WDR91: variants seen among roughly 807,000 people sequenced by gnomAD.
WDR91 encodes the protein WD repeat domain 91.
Under a neutral mutation model 88.4 loss-of-function variants are expected in WDR91, and 52 were observed. That is an observed-to-expected ratio of 0.59 (90% CI 0.47 to 0.74). The LOEUF is 0.74. Ranked by LOEUF, WDR91 falls within the 30% of genes least tolerant of loss-of-function variation. WDR91 has a pLI of 0.00. For synonymous variants in WDR91, 362 were observed against 389.5 expected, an observed-to-expected ratio of 0.93 and a Z score of 0.83; for missense variants, 824 against 954.5, an observed-to-expected ratio of 0.86 and a Z score of 1.80.
chr7:135,189,176 G>A (rs780606984), intron 12 of WDR91, among the ~76,000 whole-genome samples, 168 bp downstream of exon 12: 7 of 152,162 alleles, frequency 4.6e-5, no homozygotes, highest in South Asian at 2.1e-4. Context: ...AGTTTATTAC[G>A]GTGGGTGTTT....
chr7:135,196,338 C>G lies in WDR91; in HGVS notation c.1051-1G>C. On this transcript the variant is annotated splice_acceptor_variant, in intron 7 of 14. Coordinates refer to ENST00000354475, the MANE Select transcript of WDR91 (RefSeq NM_014149.4). LOFTEE classifies it high-confidence loss of function. This position sits in a 1 kb window ranked among gnomAD's most constrained non-coding sequence, Gnocchi z 4.2. ...TGGCTTCTGGTTTCTTCTCTGCACA[C>G]TGTCACAAGCAGGGTGGGGACAAGT... 6.5e-7 allele frequency: 1 copy of G among 1,534,198 alleles called. No individual in the cohort carries two copies. The highest frequency in any genetic ancestry group is 8.8e-7 in the Non-Finnish European group (1 of 1,139,350).
intron 6 of WDR91, among the ~76,000 whole-genome samples, chr7:135,201,108 TG>T (rs889693530): frequency 7.2e-5 from 11 of 152,212 alleles, no homozygotes; most frequent in African/African-American, 2.7e-4. Flanking sequence ...CAGAAGTTTG[TG>T]GATGCTTTGG....
At chr7:135,194,865 C>G in intron 9 of WDR91, 69 bp downstream of exon 9, 1 of 1,581,958 alleles carries the variant, frequency 6.3e-7, no homozygotes, top group Non-Finnish European at 8.6e-7. Context: ...TTGACTCAGC[C>G]GGTGGAGAAC....
At chr7:135,198,238 G>A in intron 6 of WDR91, 87 bp from the exon 7 acceptor site, 1 of 1,476,380 alleles carries the variant, frequency 6.8e-7, no homozygotes, top group Non-Finnish European at 9.0e-7. Context: ...CCTGGGCGGG[G>A]GGGCGTGGTG....
Position 135,194,410 on chromosome 7 carries a change from T to G in WDR91, c.1395+524A>C, listed in dbSNP as rs1432088074. ...GGTTTGCATCTTGGGCTATGTGGTA[T>G]GATCCCCACAAATGAAGTAAAAGAA... On this transcript the variant is annotated intron_variant, in intron 9 of 14. Coordinates refer to ENST00000354475, the MANE Select transcript of WDR91 (RefSeq NM_014149.4). Among the ~76,000 whole-genome samples, 7 of 152,322 alleles carry G rather than the reference T, an allele frequency of 4.6e-5. 2 individuals are homozygous for G. The highest frequency in any genetic ancestry group is 1.7e-4 in the African/African-American group (7 of 41,574).
At chr7:135,192,635 C>G (rs1390623597) in intron 11 of WDR91, among the ~76,000 whole-genome samples, 1 of 152,198 alleles carries the variant, frequency 6.6e-6, no homozygotes, top group Non-Finnish European at 1.5e-5. Flanking sequence ...AAAGCAGGAG[C>G]CTTGAGCTTC....
chr7:135,194,894 T>C, intron 9 of WDR91, 40 bp downstream of exon 9: 1 of 1,609,638 alleles, frequency 6.2e-7, no homozygotes, highest in Non-Finnish European at 8.5e-7. Context: ...ATTCCTCCAC[T>C]GAGCCAGCAA....
intron 13 of WDR91, 43 bp from the exon 14 acceptor site, chr7:135,187,212 G>A: frequency 6.2e-7 from 1 of 1,600,802 alleles, no homozygotes; most frequent in Non-Finnish European, 8.5e-7. Flanking sequence ...AGCGGAGCTG[G>A]CCAATGCAGG....
At chr7:135,193,152 G>A in intron 11 of WDR91, 79 bp downstream of exon 11, 4 of 1,536,894 alleles carry the variant, frequency 2.6e-6, no homozygotes, top group Non-Finnish European at 3.5e-6. Flanking sequence ...AGCAAAAAGA[G>A]GGAAGAGGCT....
At chr7:135,187,919 A>C (rs1831013119) in intron 13 of WDR91, among the ~76,000 whole-genome samples, 1 of 152,202 alleles carries the variant, frequency 6.6e-6, no homozygotes, top group South Asian at 2.1e-4. Context: ...TGGAAAGGGC[A>C]TCCTTCTCCC....
At position 135,196,104 on chromosome 7, in the gene WDR91, T is replaced by G; in HGVS notation, c.1244+40A>C. On this transcript the variant is annotated intron_variant, in intron 8 of 14. Transcript: ENST00000354475. The surrounding 1 kb of genome is among the most constrained non-coding windows in gnomAD (Gnocchi z 4.2). Reference sequence around the variant, plus strand: ...CCTCCACGTGTACTGCCTGAAAATCTGAGCTTCCCAGGGTTTCCTTGGCCC... The same window carrying G: ...CCTCCACGTGTACTGCCTGAAAATCGGAGCTTCCCAGGGTTTCCTTGGCCC... 3.8e-5 allele frequency: 55 copies of G among 1,463,204 alleles called. No homozygotes were observed. The highest frequency in any genetic ancestry group is 4.5e-5 in the Non-Finnish European group (50 of 1,101,484). The allele number at this position is 1,463,204 out of a possible 1,614,324, so 90.6% of individuals were successfully genotyped here. A position where few individuals can be genotyped will look rare whatever the true frequency, so the allele number is the denominator to read the frequency against.
At position 135,198,134 on chromosome 7, in the gene WDR91, G is replaced by T; in HGVS notation, c.909C>A (p.Asp303Glu). The change falls in exon 7 of 15, where the codon GAC (aspartate) becomes GAA (glutamate). Residue 303 changes from aspartate (D) to glutamate (E), a missense_variant. Transcript: ENST00000354475. ...SFGGQGTKGK[D>E]PTSGAKDGKS... is the part of the protein sequence containing the mutation. The stretch of plus-strand genomic sequence containing the variant: ...TCCCATCCTTGGCTCCGGACGTCGG[G>T]TCCTTTCCCTTGGTGCCCTAGAGGA... The T allele has an allele frequency of 6.2e-7, 1 of 1,613,136 alleles. No individual in the cohort carries two copies. The highest frequency in any genetic ancestry group is 1.1e-5 in the South Asian group (1 of 91,064).
rs292549 is a variant in WDR91, at chr7:135,184,296, G to A, written c.*1855C>T. The A allele has an allele frequency of 0.69, 105,368 of 152,000 alleles. 37,282 individuals carry two copies. Among genetic ancestry groups the A allele is most frequent in the Admixed American group, 0.81 (12,414 of 15,292 alleles). 9.4% of individuals were successfully genotyped at this position (152,000 alleles called of 1,614,324 possible). A position where few individuals can be genotyped will look rare whatever the true frequency, so the allele number is the denominator to read the frequency against. On this transcript the variant is annotated 3_prime_UTR_variant, in exon 15 of 15. Coordinates refer to ENST00000354475, the MANE Select transcript of WDR91 (RefSeq NM_014149.4). The stretch of plus-strand genomic sequence containing the variant: ...CTCCCAGAACAAAGCCAAGACTTTG[G>A]TACCAATTTCTTCGTGCTTTTCCTC...
At chr7:135,194,335 C>G (rs1207049951) in intron 9 of WDR91, among the ~76,000 whole-genome samples, 1 of 152,182 alleles carries the variant, frequency 6.6e-6, no homozygotes, top group Non-Finnish European at 1.5e-5. Flanking sequence ...CCCTGAGGTC[C>G]TCATCCATGA....
At chr7:135,186,897 C>A in intron 14 of WDR91, 75 bp downstream of exon 14, 1 of 1,564,188 alleles carries the variant, frequency 6.4e-7, no homozygotes, top group Non-Finnish European at 8.8e-7. Context: ...CGCTCAGTAG[C>A]CATGGCCCAG....
At chr7:135,210,629 C>T (rs1045925164) in intron 1 of WDR91, among the ~76,000 whole-genome samples, 2 of 152,206 alleles carry the variant, frequency 1.3e-5, no homozygotes, top group African/African-American at 4.8e-5. Flanking sequence ...AATACCAATC[C>T]AATGCCCCTA....
chr7:135,204,550 G>GCCC, intron 5 of WDR91, 117 bp from the exon 6 acceptor site: 4 of 1,116,660 alleles, frequency 3.6e-6, no homozygotes, highest in Non-Finnish European at 5.0e-6. Context: ...TCAGGTCCAA[G>GCCC]AGCCTGGGCT....
intron 3 of WDR91, among the ~76,000 whole-genome samples, chr7:135,207,751 T>C (rs1831852341): frequency 6.6e-6 from 1 of 152,252 alleles, no homozygotes; most frequent in African/African-American, 2.4e-5. Context: ...CTTGGGATAC[T>C]GGTCCTTCTC....
chr7:135,194,375 A>G (rs1398856646), intron 9 of WDR91, among the ~76,000 whole-genome samples: 1 of 152,236 alleles, frequency 6.6e-6, no homozygotes, highest in Non-Finnish European at 1.5e-5. Flanking sequence ...CAAAAATTAT[A>G]GAAAAACAGG....
Sources: allele counts gnomAD v4.1 joint callset (sites outside exome capture counted in the v4.1 genomes callset), GRCh38; gene constraint gnomAD v4.1.1; non-coding constraint Gnocchi (gnomAD v3.1); transcripts MANE v1.5; gene names NCBI Gene and HGNC (gene_info 2026-07-23, HGNC 2026-07-21).